The following GRIP1 variants were observed in gnomAD, a reference collection of about 807,000 sequenced individuals.
GRIP1 encodes glutamate receptor interacting protein 1.
In GRIP1, 45 loss-of-function variants were observed where a neutral mutation model predicts 129.9. The observed-to-expected ratio is 0.35, with a 90% confidence interval of 0.27 to 0.44. GRIP1 has a LOEUF of 0.44. Ranked by LOEUF, GRIP1 falls within the 20% of genes least tolerant of loss-of-function variation. The pLI, the probability that GRIP1 is intolerant of heterozygous loss-of-function variation, is 1.00. For synonymous variants in GRIP1, 530 were observed against 520.8 expected, an observed-to-expected ratio of 1.02 and a Z score of -0.24; for missense variants, 1,196 against 1,396.8, an observed-to-expected ratio of 0.86 and a Z score of 2.29.
At chr12:67,020,083 T>C (rs984297751) in intron 1 of GRIP1, among the ~76,000 whole-genome samples, 1 of 152,176 alleles carries the variant, frequency 6.6e-6, no homozygotes, top group Non-Finnish European at 1.5e-5. Flanking sequence ...TTTTGCACTT[T>C]AAATATTAAG....
intron 19 of GRIP1, among the ~76,000 whole-genome samples, chr12:66,381,175 G>C (rs948689553): frequency 6.6e-6 from 1 of 152,176 alleles, no homozygotes; most frequent in Admixed American, 6.5e-5. Context: ...AATACTCTAA[G>C]AACCTTCTAT....
chr12:66,973,747 G>T (rs1170050421), intron 1 of GRIP1, among the ~76,000 whole-genome samples: 1 of 151,910 alleles, frequency 6.6e-6, no homozygotes, highest in Non-Finnish European at 1.5e-5. Flanking sequence ...CCTTTACCAA[G>T]AGTACATATC....
intron 1 of GRIP1, among the ~76,000 whole-genome samples, chr12:66,790,568 G>A (rs1409334595): frequency 6.6e-6 from 1 of 152,120 alleles, no homozygotes; most frequent in African/African-American, 2.4e-5. Context: ...GTATAAAGTA[G>A]ATGAAATAGA....
intron 23 of GRIP1, among the ~76,000 whole-genome samples, chr12:66,357,571 A>G (rs1221210891): frequency 6.6e-6 from 1 of 152,154 alleles, no homozygotes; most frequent in African/African-American, 2.4e-5. Flanking sequence ...GGTTTTATTT[A>G]TTGATCACTG....
At chr12:66,580,729 C>T (rs1477000327) in intron 2 of GRIP1, among the ~76,000 whole-genome samples, 11 of 150,850 alleles carry the variant, frequency 7.3e-5, no homozygotes, top group Non-Finnish European at 1.5e-4. Flanking sequence ...ATATATGCAC[C>T]CAATACAGGA....
chr12:66,652,490 T>C (rs2032872342), intron 1 of GRIP1, among the ~76,000 whole-genome samples: 1 of 152,152 alleles, frequency 6.6e-6, no homozygotes, highest in African/African-American at 2.4e-5. Flanking sequence ...TTTATAGTAG[T>C]GTGAAAATGG....
intron 1 of GRIP1, among the ~76,000 whole-genome samples, chr12:66,661,821 C>T (rs753377667): frequency 1.4e-4 from 22 of 152,138 alleles, no homozygotes; most frequent in Non-Finnish European, 2.6e-4. Flanking sequence ...CTTTCCATCT[C>T]TATCCTTAAG....
chr12:66,967,514 TTTATAAG>T (rs1280675690), intron 1 of GRIP1, among the ~76,000 whole-genome samples: 1 of 152,154 alleles, frequency 6.6e-6, no homozygotes, highest in Non-Finnish European at 1.5e-5. Context: ...CTCACAATTT[TTTATAAG>T]TTATATTTTA....
At chr12:66,664,508 T>A (rs974731379) in intron 1 of GRIP1, among the ~76,000 whole-genome samples, 1 of 152,186 alleles carries the variant, frequency 6.6e-6, no homozygotes, top group Non-Finnish European at 1.5e-5. Context: ...GAGCTTCCCC[T>A]GCCTAACCCT....
chr12:66,728,987 C>T (rs1458369152), intron 1 of GRIP1, among the ~76,000 whole-genome samples: 1 of 151,822 alleles, frequency 6.6e-6, no homozygotes, highest in Admixed American at 6.6e-5. Context: ...CATCCAATCA[C>T]TCAAATAAAA....
chr12:67,067,855 C>G lies in GRIP1; in HGVS notation c.58+1195G>C, dbSNP rs116684223. On this transcript the variant is annotated intron_variant, in intron 1 of 1. Coordinates refer to the GRIP1 transcript ENST00000643019. ...CTTCTCCACACACCAGACTGGCCGG[C>G]CTCCTCTGGCTTTCCTCGCCCACCT... 5.5e-3 allele frequency among the ~76,000 whole-genome samples: 838 copies of G among 152,306 alleles called. 3 individuals are homozygous for G. Among genetic ancestry groups the G allele is most frequent in the African/African-American group, 0.019 (792 of 41,566 alleles).
intron 1 of GRIP1, among the ~76,000 whole-genome samples, chr12:66,851,813 C>T (rs1209828912): frequency 6.6e-6 from 1 of 152,048 alleles, no homozygotes; most frequent in Non-Finnish European, 1.5e-5. Context: ...GGTGTTTCTT[C>T]TTTGTAGTAA....
Position 66,536,502 on chromosome 12 carries a change from GC to G in GRIP1, c.418+2575del, listed in dbSNP as rs540359142. 3.0e-3 allele frequency among the ~76,000 whole-genome samples: 449 copies of G among 152,102 alleles called. 1 individual carries two copies. The highest frequency in any genetic ancestry group is 0.01 in the African/African-American group (428 of 41,476). The stretch of plus-strand genomic sequence containing the variant: ...AGTATATTCCTGGCTTTTGGTCTTA[GC>G]AATGACTGTTCATTCTTCCGGGAAC... On this transcript the variant is annotated intron_variant, in intron 4 of 24. Coordinates refer to ENST00000359742, the MANE Select transcript of GRIP1 (RefSeq NM_001366722.1).
At chr12:66,961,891 C>T (rs560465375) in intron 1 of GRIP1, among the ~76,000 whole-genome samples, 3 of 152,068 alleles carry the variant, frequency 2.0e-5, no homozygotes, top group Admixed American at 6.6e-5. Context: ...TGCTAAAAAA[C>T]GTTGTTTGCT....
At chr12:66,531,308 C>T (rs2061457160) in intron 4 of GRIP1, among the ~76,000 whole-genome samples, 4 of 76,278 alleles carry the variant, frequency 5.2e-5, no homozygotes, top group Non-Finnish European at 9.6e-5. Context: ...TATATACACA[C>T]ACACACACAT....
intron 1 of GRIP1, among the ~76,000 whole-genome samples, chr12:66,980,647 C>A (rs1247624417): frequency 2.0e-5 from 3 of 152,128 alleles, no homozygotes; most frequent in Non-Finnish European, 2.9e-5. Flanking sequence ...TTAATTCTTA[C>A]AACAACTCTG....
chr12:66,638,715 T>A (rs970246729), intron 1 of GRIP1, among the ~76,000 whole-genome samples: 2 of 152,182 alleles, frequency 1.3e-5, no homozygotes, highest in Non-Finnish European at 2.9e-5. Context: ...CAGATCATCA[T>A]GTCTAAGGTG....
At chr12:66,870,137 C>G (rs562461534) in intron 1 of GRIP1, among the ~76,000 whole-genome samples, 1 of 152,028 alleles carries the variant, frequency 6.6e-6, no homozygotes, top group Non-Finnish European at 1.5e-5. Context: ...TGAGAACCAT[C>G]GCTTTAAAAT....
At chr12:67,050,453 A>C (rs1310204279) in intron 1 of GRIP1, among the ~76,000 whole-genome samples, 1 of 152,236 alleles carries the variant, frequency 6.6e-6, no homozygotes, top group Non-Finnish European at 1.5e-5. Context: ...GTTTCCAGCA[A>C]CTAGAACAGC....
Sources: gnomAD v4.1 joint callset for allele counts (sites outside exome capture counted in the v4.1 genomes callset) on GRCh38, gnomAD v4.1.1 for gene constraint, MANE v1.5 for transcripts, NCBI Gene and HGNC (gene_info 2026-07-23, HGNC 2026-07-21) for gene names.